PDE4D: variants seen among roughly 807,000 people sequenced by gnomAD.
PDE4D encodes 3',5'-cyclic-AMP phosphodiesterase 4D.
Under a neutral mutation model 87.4 loss-of-function variants are expected in PDE4D, and 24 were observed. That is an observed-to-expected ratio of 0.27 (90% CI 0.20 to 0.39). The LOEUF is 0.39. Among genes scored for constraint, PDE4D ranks in the 10% least tolerant of loss-of-function variants. The probability of loss-of-function intolerance (pLI) is 1.00; values close to 1 mark genes in which losing one functional copy is unlikely to be tolerated. For synonymous variants in PDE4D, 384 were observed against 383.2 expected (o/e 1.00, Z -0.02); for missense variants, 714 against 1,041.0 (o/e 0.69, Z 4.32).
intron 1 of PDE4D, among the ~76,000 whole-genome samples, chr5:59,315,040 G>A (rs1016972374): frequency 5.9e-5 from 9 of 152,238 alleles, no homozygotes; most frequent in South Asian, 2.1e-4. Context: ...GTGGGGGCTT[G>A]GAATCCAATC....
intron 1 of PDE4D, among the ~76,000 whole-genome samples, chr5:59,825,098 T>C (rs1280328666): frequency 2.6e-5 from 4 of 152,124 alleles, no homozygotes; most frequent in Admixed American, 6.6e-5. Context: ...TGCGTGTCAA[T>C]TGGGTGCAAT....
intron 2 of PDE4D, among the ~76,000 whole-genome samples, chr5:59,213,527 A>G (rs559054495): frequency 3.3e-5 from 5 of 152,122 alleles, no homozygotes; most frequent in South Asian, 2.1e-4. Context: ...GTCTCTTTCT[A>G]TCTCCTGGAG....
intron 3 of PDE4D, among the ~76,000 whole-genome samples, chr5:59,924,462 A>G (rs1755023494): frequency 1.3e-5 from 2 of 152,166 alleles, no homozygotes; most frequent in South Asian, 4.1e-4. Context: ...GTCAAAGATA[A>G]AGAAAGGACT....
At chr5:59,101,661 A>G (rs1179919006) in intron 5 of PDE4D, among the ~76,000 whole-genome samples, 1 of 152,140 alleles carries the variant, frequency 6.6e-6, no homozygotes, top group East Asian at 1.9e-4. Context: ...CTCTTGTCCT[A>G]AATATCTTTT....
intron 5 of PDE4D, among the ~76,000 whole-genome samples, chr5:59,100,598 G>A (rs1416297381): frequency 6.6e-6 from 1 of 152,108 alleles, no homozygotes; most frequent in Non-Finnish European, 1.5e-5. Context: ...GTTTATTTCA[G>A]TTGACTGTGA....
intron 1 of PDE4D, among the ~76,000 whole-genome samples, chr5:59,334,928 C>T (rs1173652914): frequency 6.6e-6 from 1 of 152,030 alleles, no homozygotes; most frequent in Non-Finnish European, 1.5e-5. Flanking sequence ...TTTTCCTTTT[C>T]CTGAAACCCA....
chr5:60,371,740 T>C (rs1044912140), intron 1 of PDE4D, among the ~76,000 whole-genome samples: 10 of 152,186 alleles, frequency 6.6e-5, no homozygotes, highest in African/African-American at 2.2e-4. Context: ...GATTCTAAGC[T>C]TTATGTAAAT....
chr5:60,190,113 C>A (rs1785088407), intron 1 of PDE4D, among the ~76,000 whole-genome samples: 1 of 152,118 alleles, frequency 6.6e-6, no homozygotes, highest in South Asian at 2.1e-4. Flanking sequence ...TAAAAACAGG[C>A]TTAATTTATC....
intron 2 of PDE4D, among the ~76,000 whole-genome samples, chr5:60,038,862 A>G (rs1403185820): frequency 4.6e-5 from 7 of 151,768 alleles, no homozygotes; most frequent in Middle Eastern, 3.2e-3. Flanking sequence ...GCCATCAGAG[A>G]AATGCAAATC....
chr5:59,817,572 T>G (rs959823965), intron 1 of PDE4D, among the ~76,000 whole-genome samples: 46 of 152,200 alleles, frequency 3.0e-4, no homozygotes, highest in African/African-American at 1.1e-3. Context: ...TATGTTCATA[T>G]GTTGAACTCT....
chr5:59,949,452 AAAAG>A (rs1758066803), intron 3 of PDE4D, among the ~76,000 whole-genome samples: 1 of 151,886 alleles, frequency 6.6e-6, no homozygotes, highest in Non-Finnish European at 1.5e-5. Flanking sequence ...AAAAAAAAAA[AAAAG>A]AATATACGAT....
chr5:59,613,453 T>C (rs1167283808), intron 1 of PDE4D, among the ~76,000 whole-genome samples: 2 of 152,182 alleles, frequency 1.3e-5, no homozygotes, highest in African/African-American at 2.4e-5. Context: ...CAATGGCATA[T>C]AGACTTTGAA....
intron 2 of PDE4D, among the ~76,000 whole-genome samples, chr5:60,104,730 G>A (rs11747070): frequency 0.14 from 21,080 of 152,112 alleles, 1,510 homozygotes; most frequent in Middle Eastern, 0.23. Flanking sequence ...TGCAGACACC[G>A]CTACTGATAC....
chr5:59,389,889 A>C (rs963985580), intron 1 of PDE4D, among the ~76,000 whole-genome samples: 100 of 152,166 alleles, frequency 6.6e-4, no homozygotes, highest in African/African-American at 2.4e-3. Context: ...TAATGGGTAC[A>C]AGCATATAGT....
At chr5:59,668,729 G>GAAGAAGAAAGAAGAAGAAGAAGAAGA in intron 1 of PDE4D, among the ~76,000 whole-genome samples, 1 of 98,862 alleles carries the variant, frequency 1.0e-5, no homozygotes, top group Non-Finnish European at 2.5e-5. Context: ...AAAAGAAGAA[G>GAAGAAGAAAGAAGAAGAAGAAGAAGA]AAGAAGAAAG....
intron 1 of PDE4D, among the ~76,000 whole-genome samples, chr5:60,392,214 C>A (rs1468727790): frequency 6.6e-6 from 1 of 152,104 alleles, no homozygotes; most frequent in Admixed American, 6.6e-5. Context: ...TATTGTTTTG[C>A]TCCTCAAAAT....
chr5:59,870,177 G>A (rs536935256), intron 1 of PDE4D, among the ~76,000 whole-genome samples: 22 of 152,270 alleles, frequency 1.4e-4, no homozygotes, highest in African/African-American at 4.8e-4. Context: ...GCATTAATGA[G>A]AGCAAATTAT....
chr5:59,944,737 C>T (rs1282825526), intron 3 of PDE4D, among the ~76,000 whole-genome samples: 1 of 152,198 alleles, frequency 6.6e-6, no homozygotes, highest in African/African-American at 2.4e-5. Context: ...AGGTATCCTT[C>T]AGCACTAACC....
At chr5:59,125,079 C>T (rs1343208351) in intron 5 of PDE4D, among the ~76,000 whole-genome samples, 1 of 152,030 alleles carries the variant, frequency 6.6e-6, no homozygotes, top group Non-Finnish European at 1.5e-5. Flanking sequence ...AATGCTGAGG[C>T]AAGGCCTGTA....
Sources: gnomAD v4.1 joint callset for allele counts (sites outside exome capture counted in the v4.1 genomes callset) on GRCh38, gnomAD v4.1.1 for gene constraint, MANE v1.5 for transcripts, NCBI Gene and HGNC (gene_info 2026-07-23, HGNC 2026-07-21) for gene names.